SMC6: variants seen among roughly 807,000 people sequenced by gnomAD.
SMC6 encodes the protein structural maintenance of chromosomes protein 6.
A neutral mutation model predicts 142.2 loss-of-function variants in SMC6; 79 were observed. The ratio of observed to expected loss-of-function variants is 0.56; its 90% CI spans 0.46 to 0.67. The LOEUF (loss-of-function observed/expected upper bound fraction) is 0.67, where lower values mean the gene tolerates loss of function less well. Among genes scored for constraint, SMC6 ranks in the 30% least tolerant of loss-of-function variants. The pLI, the probability that SMC6 is intolerant of heterozygous loss-of-function variation, is 0.00. For synonymous variants in SMC6, 411 were observed against 412.4 expected, an observed-to-expected ratio of 1.00 and a Z score of 0.04; for missense variants, 1,072 against 1,284.0, an observed-to-expected ratio of 0.83 and a Z score of 2.52.
Position 17,707,384 on chromosome 2 carries a change from A to G in SMC6, c.1846-5T>C. On this transcript the variant is annotated splice_region_variant and splice_polypyrimidine_tract_variant and intron_variant, in intron 17 of 27. Coordinates refer to ENST00000448223, the MANE Select transcript of SMC6 (RefSeq NM_001142286.2). ...TGCACGAGCTACAGAATTATTCTAA[A>G]AGAATAGAAGAAAATAAATTTTTTA... 1 of 1,447,622 alleles carries G rather than the reference A, an allele frequency of 6.9e-7. No homozygotes were observed. Among genetic ancestry groups the G allele is most frequent in the South Asian group, 1.6e-5 (1 of 62,580 alleles). 89.7% of individuals were successfully genotyped at this position (1,447,622 alleles called of 1,614,324 possible).
intron 25 of SMC6, among the ~76,000 whole-genome samples, chr2:17,671,380 G>A (rs560282355): frequency 0.46 from 1,237 of 2,680 alleles, 27 homozygotes; most frequent in Middle Eastern, 0.5. Context: ...ATCCTTTAAA[G>A]GAACCCTAGA....
At chr2:17,739,572 G>A (rs1016662817) in intron 4 of SMC6, among the ~76,000 whole-genome samples, 4 of 152,058 alleles carry the variant, frequency 2.6e-5, no homozygotes, top group Non-Finnish European at 5.9e-5. Flanking sequence ...TTGAACCTGG[G>A]AGGTAGAGGT....
intron 16 of SMC6, 144 bp downstream of exon 16, chr2:17,714,717 T>C: frequency 2.5e-6 from 2 of 807,702 alleles, no homozygotes; most frequent in Non-Finnish European, 3.9e-6. Flanking sequence ...CCAGAACTAA[T>C]ACCTAGACAG....
In SMC6 at chr2:17,745,863, T is replaced by C; in HGVS notation, c.84A>G (p.Lys28=). ...CTTTACATTCGTCTTCGTCACCATC[T>C]TTATCAAAATCCTCCAATTCTTCTT... is the stretch of plus-strand genomic sequence containing the variant. ...PRQEELEDFD[K]DGDEDECKGT... Residue 28 remains lysine, a synonymous_variant, in exon 3 of 28, where the codon AAA becomes AAG. Transcript: ENST00000448223. The C allele has an allele frequency of 6.2e-7, 1 of 1,612,564 alleles. No homozygotes were observed. The highest frequency in any genetic ancestry group is 1.7e-4 in the Middle Eastern group (1 of 6,056).
At position 17,667,317 on chromosome 2, in the gene SMC6, C is replaced by A. The variant is rs573793241; in HGVS notation, c.3064-800G>T. Among the ~76,000 whole-genome samples, 3 of 152,296 alleles carry A rather than the reference C, an allele frequency of 2.0e-5. No individual in the cohort carries two copies. In the South Asian group the frequency reaches 6.2e-4, roughly 32 times the overall value. ...TTTGTACAATATAAACCAATTTGAA[C>A]TTACAGACCAATTTCTCAATTATAT... On this transcript the variant is annotated intron_variant, in intron 26 of 27. Transcript: ENST00000448223.
chr2:17,730,942 GAT>G (rs2125044713), intron 7 of SMC6, 134 bp downstream of exon 7: 1 of 691,012 alleles, frequency 1.4e-6, no homozygotes, highest in South Asian at 1.6e-5. Context: ...CAACTTCATT[GAT>G]AATAGTTACA....
At chr2:17,669,193 A>G (rs1368673709) in intron 26 of SMC6, among the ~76,000 whole-genome samples, 1 of 152,180 alleles carries the variant, frequency 6.6e-6, no homozygotes, top group Non-Finnish European at 1.5e-5. Flanking sequence ...TGGAAATGAC[A>G]GTTTGCATTA....
rs985925094 is a variant in SMC6, at chr2:17,665,357, T to C, written c.*142A>G. The C allele has an allele frequency of 4.9e-6, 2 of 407,570 alleles. No homozygotes were observed. The highest frequency in any genetic ancestry group is 8.6e-6 in the Non-Finnish European group (2 of 231,884). The allele number at this position is 407,570 out of a possible 1,614,324, so 25.2% of individuals were successfully genotyped here. A position where few individuals can be genotyped will look rare whatever the true frequency, so the allele number is the denominator to read the frequency against. ...AGTTGGTTTTCCAGGCTTATTTATATGTTTGATTGTGGTTGGATATATAAA... is the reference window on the plus strand; with the variant it reads ...AGTTGGTTTTCCAGGCTTATTTATACGTTTGATTGTGGTTGGATATATAAA... On this transcript the variant is annotated 3_prime_UTR_variant, in exon 28 of 28. Coordinates refer to ENST00000448223, the MANE Select transcript of SMC6 (RefSeq NM_001142286.2).
At chr2:17,677,700 T>G (rs1667060742) in intron 25 of SMC6, among the ~76,000 whole-genome samples, 1 of 152,148 alleles carries the variant, frequency 6.6e-6, no homozygotes, top group Non-Finnish European at 1.5e-5. Flanking sequence ...TCCCTATCAA[T>G]AAGCACAATT....
At chr2:17,722,912 T>A (rs933485831) in intron 9 of SMC6, among the ~76,000 whole-genome samples, 2 of 151,478 alleles carry the variant, frequency 1.3e-5, no homozygotes, top group South Asian at 4.2e-4. Context: ...AATTTACATA[T>A]CCAACTTCCC....
intron 19 of SMC6, 43 bp from the exon 20 acceptor site, chr2:17,701,952 T>A: frequency 1.9e-6 from 2 of 1,030,142 alleles, no homozygotes; most frequent in Non-Finnish European, 2.9e-6. Context: ...AAAAAAAAAT[T>A]TAAACCGAAA....
chr2:17,709,794 G>A (rs1668732184), intron 16 of SMC6, among the ~76,000 whole-genome samples: 1 of 152,152 alleles, frequency 6.6e-6, no homozygotes. Flanking sequence ...CCTCACTAAG[G>A]TAACACTGGG....
intron 6 of SMC6, among the ~76,000 whole-genome samples, chr2:17,731,504 A>G (rs532471248): frequency 7.2e-5 from 11 of 152,356 alleles, no homozygotes; most frequent in African/African-American, 2.4e-4. Context: ...AAAACAAAAT[A>G]GCACAACTTG....
At chr2:17,705,668 C>T (rs1489703807) in intron 18 of SMC6, among the ~76,000 whole-genome samples, 1 of 152,152 alleles carries the variant, frequency 6.6e-6, no homozygotes, top group Non-Finnish European at 1.5e-5. Flanking sequence ...TGTCATTATA[C>T]AATTTTTCTG....
chr2:17,709,622 G>A (rs1668721281), intron 16 of SMC6, among the ~76,000 whole-genome samples: 1 of 152,138 alleles, frequency 6.6e-6, no homozygotes, highest in South Asian at 2.1e-4. Context: ...CACCTACTCT[G>A]TGCCAGGTGC....
chr2:17,708,847 T>C, intron 16 of SMC6, 94 bp from the exon 17 acceptor site: 1 of 331,888 alleles, frequency 3.0e-6, no homozygotes, highest in Non-Finnish European at 5.2e-6. Flanking sequence ...AGAGTATATA[T>C]ATTTCCATAT....
intron 5 of SMC6, among the ~76,000 whole-genome samples, 197 bp downstream of exon 5, chr2:17,738,024 T>C (rs1408311774): frequency 6.6e-6 from 1 of 152,116 alleles, no homozygotes; most frequent in Non-Finnish European, 1.5e-5. Context: ...ACAAGCTATC[T>C]GTCTTGAGAG....
rs745810754 is a variant in SMC6 at position 17,718,224 on chromosome 2, C to A, written c.946-1G>T. 1 of 1,576,134 alleles carries A rather than the reference C, an allele frequency of 6.3e-7. No individual in the cohort carries two copies. The highest frequency in any genetic ancestry group is 8.6e-7 in the Non-Finnish European group (1 of 1,164,438). ...TTTGTTCTGCCTCATTAAGTCTGAC[C>A]TTTAAGAAAATAACATTATTGAAGT... is the stretch of plus-strand genomic sequence containing the variant. On this transcript the variant is annotated splice_acceptor_variant, in intron 11 of 27. Coordinates refer to ENST00000448223, the MANE Select transcript of SMC6 (RefSeq NM_001142286.2). LOFTEE classifies it high-confidence loss of function.
chr2:17,733,516 T>C (rs1186179681), intron 5 of SMC6, among the ~76,000 whole-genome samples: 1 of 152,236 alleles, frequency 6.6e-6, no homozygotes, highest in Admixed American at 6.5e-5. Context: ...GTAAGATATC[T>C]ACATTAAGGA....
Sources: allele counts gnomAD v4.1 joint callset (sites outside exome capture counted in the v4.1 genomes callset), GRCh38; gene constraint gnomAD v4.1.1; transcripts MANE v1.5; gene names NCBI Gene and HGNC (gene_info 2026-07-23, HGNC 2026-07-21).